The following AOPEP variants were observed in gnomAD, a reference collection of about 807,000 sequenced individuals.
AOPEP encodes aminopeptidase O (putative).
Under a neutral mutation model 98.1 loss-of-function variants are expected in AOPEP, and 77 were observed. The ratio of observed to expected loss-of-function variants is 0.78; its 90% confidence interval spans 0.65 to 0.95. The LOEUF (loss-of-function observed/expected upper bound fraction) is 0.95, where lower values mean the gene tolerates loss of function less well. Ranked by LOEUF, AOPEP falls within the 40% of genes least tolerant of loss-of-function variation. AOPEP has a pLI of 0.00. For missense variants in AOPEP, 1,024 were observed against 1,024.7 expected, an observed-to-expected ratio of 1.00 and a Z score of 0.01; for synonymous variants, 346 against 365.3, an observed-to-expected ratio of 0.95 and a Z score of 0.60.
intron 14 of AOPEP, among the ~76,000 whole-genome samples, chr9:95,077,130 G>C (rs1285260871): frequency 6.6e-6 from 1 of 152,196 alleles, no homozygotes; most frequent in Non-Finnish European, 1.5e-5. Context: ...ACGGCCCTCT[G>C]TGTCCTTTGT....
At chr9:94,777,695 G>A (rs751399193) in intron 3 of AOPEP, among the ~76,000 whole-genome samples, 4 of 139,358 alleles carry the variant, frequency 2.9e-5, no homozygotes, top group Non-Finnish European at 6.0e-5. Context: ...GTACAGTGGC[G>A]CGATCTCAGC....
intron 11 of AOPEP, among the ~76,000 whole-genome samples, chr9:94,988,205 G>A (rs1180532668): frequency 3.3e-5 from 5 of 152,174 alleles, no homozygotes; most frequent in African/African-American, 7.2e-5. Context: ...GCTGAGGAAC[G>A]CCTATATCCA....
chr9:94,997,156 A>G (rs975783970), intron 11 of AOPEP, among the ~76,000 whole-genome samples: 1 of 152,202 alleles, frequency 6.6e-6, no homozygotes, highest in Non-Finnish European at 1.5e-5. Context: ...AAAAAGTCAG[A>G]TATCTGCCCA....
At chr9:94,751,298 C>A (rs1343624024) in intron 1 of AOPEP, among the ~76,000 whole-genome samples, 2 of 152,038 alleles carry the variant, frequency 1.3e-5, no homozygotes, top group Non-Finnish European at 2.9e-5. Context: ...GATTAGTCTG[C>A]CAGAAGGTAC....
chr9:95,047,397 A>G (rs1239452558), intron 13 of AOPEP, among the ~76,000 whole-genome samples: 2 of 152,222 alleles, frequency 1.3e-5, no homozygotes, highest in Non-Finnish European at 2.9e-5. Context: ...CAGTATTGTC[A>G]AAGTATAAGA....
At chr9:94,755,400 C>G (rs941237595) in intron 1 of AOPEP, among the ~76,000 whole-genome samples, 10 of 152,208 alleles carry the variant, frequency 6.6e-5, no homozygotes, top group Non-Finnish European at 2.9e-5. Context: ...TGATTGATGT[C>G]AGTGAGCGTT....
Position 95,051,609 on chromosome 9 carries a change from GTTATAA to G in AOPEP, c.2116-9081_2116-9076del, listed in dbSNP as rs1326801297. ...GCTATCATTTCATTGATTGCAGTTT[GTTATAA>G]TTAAAGAGGCATTTTCAGTCATTTT... On this transcript the variant is annotated intron_variant, in intron 13 of 16. Coordinates refer to ENST00000375315, the MANE Select transcript of AOPEP (RefSeq NM_001193329.3). 1.1e-4 allele frequency among the ~76,000 whole-genome samples: 16 copies of G among 151,804 alleles called. No individual in the cohort carries two copies. The East Asian group carries it at 3.1e-3, about 29-fold the overall frequency.
chr9:94,894,594 A>G (rs113137543), intron 5 of AOPEP, among the ~76,000 whole-genome samples: 1 of 152,212 alleles, frequency 6.6e-6, no homozygotes. Context: ...CACCAGACCC[A>G]CAGAGTTTCT....
At chr9:94,780,578 C>T (rs1428619909) in intron 3 of AOPEP, among the ~76,000 whole-genome samples, 3 of 152,160 alleles carry the variant, frequency 2.0e-5, no homozygotes, top group Non-Finnish European at 4.4e-5. Flanking sequence ...GGAAACAGTA[C>T]TAATAAAGCT....
At chr9:94,960,784 G>C (rs2058764932) in intron 9 of AOPEP, among the ~76,000 whole-genome samples, 2 of 151,976 alleles carry the variant, frequency 1.3e-5, no homozygotes, top group African/African-American at 4.8e-5. Flanking sequence ...AGGCCAAAGT[G>C]GGCAGATCAC....
At chr9:94,777,951 A>G (rs987846450) in intron 3 of AOPEP, among the ~76,000 whole-genome samples, 1 of 152,144 alleles carries the variant, frequency 6.6e-6, no homozygotes, top group African/African-American at 2.4e-5. Flanking sequence ...ACCTAATAAT[A>G]AAACAATAAA....
intron 1 of AOPEP, among the ~76,000 whole-genome samples, chr9:94,740,090 C>T (rs146741389): frequency 2.0e-5 from 3 of 152,122 alleles, no homozygotes; most frequent in Non-Finnish European, 2.9e-5. Context: ...GAGGAAGCAC[C>T]GGGATTGGTC....
chr9:94,806,374 A>G (rs1332002404), intron 5 of AOPEP, among the ~76,000 whole-genome samples: 2 of 152,120 alleles, frequency 1.3e-5, no homozygotes, highest in Non-Finnish European at 2.9e-5. Context: ...TGTGTGGTAT[A>G]ACTCTTCTCT....
At chr9:95,016,252 T>TTC (rs2062984161) in intron 13 of AOPEP, among the ~76,000 whole-genome samples, 1 of 150,106 alleles carries the variant, frequency 6.7e-6, no homozygotes, top group South Asian at 2.1e-4. Flanking sequence ...GTGATTTTTT[T>TTC]TTTTTTTTTT....
At chr9:95,087,981 C>A (rs1008538686), downstream of AOPEP, among the ~76,000 whole-genome samples, 2 of 152,120 alleles carry the variant, frequency 1.3e-5, no homozygotes, top group Admixed American at 6.5e-5. Flanking sequence ...GACTGGGAGG[C>A]CTTGGTCTCC....
intron 5 of AOPEP, among the ~76,000 whole-genome samples, chr9:94,848,693 G>C (rs1200661335): frequency 1.3e-5 from 2 of 152,084 alleles, no homozygotes; most frequent in Non-Finnish European, 2.9e-5. Flanking sequence ...CTCGGAGATG[G>C]TTGTAACTGC....
chr9:94,737,671 A>C (rs1832083858), intron 1 of AOPEP, among the ~76,000 whole-genome samples: 1 of 152,218 alleles, frequency 6.6e-6, no homozygotes, highest in South Asian at 2.1e-4. Flanking sequence ...ATTTGGTATA[A>C]TGTGTAAAGT....
At chr9:95,015,808 T>C (rs1360916474) in intron 13 of AOPEP, among the ~76,000 whole-genome samples, 1 of 152,204 alleles carries the variant, frequency 6.6e-6, no homozygotes. Flanking sequence ...GAGGATACCA[T>C]AATTTGTATT....
At chr9:94,928,058 C>T (rs527473983) in intron 6 of AOPEP, among the ~76,000 whole-genome samples, 1 of 152,266 alleles carries the variant, frequency 6.6e-6, no homozygotes, top group East Asian at 1.9e-4. Flanking sequence ...AACGGTGGGG[C>T]CTTCCCCATC....
Sources: allele counts gnomAD v4.1 joint callset (sites outside exome capture counted in the v4.1 genomes callset), GRCh38; gene constraint gnomAD v4.1.1; transcripts MANE v1.5; gene names NCBI Gene and HGNC (gene_info 2026-07-23, HGNC 2026-07-21).